GRIP1: variants seen among roughly 807,000 people sequenced by gnomAD.
The protein encoded by GRIP1 is glutamate receptor interacting protein 1.
A neutral mutation model predicts 129.9 loss-of-function variants in GRIP1; 45 were observed. The observed-to-expected ratio is 0.35, with a 90% CI of 0.27 to 0.44. The LOEUF (loss-of-function observed/expected upper bound fraction) is 0.44. Ranked by LOEUF, GRIP1 falls within the 20% of genes least tolerant of loss-of-function variation. The pLI, the probability that GRIP1 is intolerant of heterozygous loss-of-function variation, is 1.00. For synonymous variants in GRIP1, 530 were observed against 520.8 expected, an observed-to-expected ratio of 1.02 and a Z score of -0.24; for missense variants, 1,196 against 1,396.8, an observed-to-expected ratio of 0.86 and a Z score of 2.29.
intron 1 of GRIP1, among the ~76,000 whole-genome samples, chr12:66,717,608 C>T (rs1212415814): frequency 3.9e-5 from 6 of 152,018 alleles, no homozygotes. Flanking sequence ...CTATTAGTGC[C>T]GTTGAAAAGA....
chr12:66,808,422 C>T (rs530770733), upstream of GRIP1, among the ~76,000 whole-genome samples: 4 of 152,094 alleles, frequency 2.6e-5, no homozygotes, highest in African/African-American at 9.6e-5. Flanking sequence ...CTCAGCCTCC[C>T]GAGTAGCTAG....
At chr12:66,921,660 G>C (rs1260861076) in intron 1 of GRIP1, among the ~76,000 whole-genome samples, 1 of 152,160 alleles carries the variant, frequency 6.6e-6, no homozygotes, top group Non-Finnish European at 1.5e-5. Flanking sequence ...AGTTAAACAT[G>C]AACTAGCAAA....
chr12:66,556,731 T>C (rs997530020), intron 2 of GRIP1, among the ~76,000 whole-genome samples: 1 of 152,058 alleles, frequency 6.6e-6, no homozygotes, highest in African/African-American at 2.4e-5. Flanking sequence ...TATTTGTTTA[T>C]GAAATCAGTG....
intron 1 of GRIP1, among the ~76,000 whole-genome samples, chr12:66,716,533 A>T (rs1348209007): frequency 2.0e-5 from 3 of 151,162 alleles, no homozygotes; most frequent in Non-Finnish European, 4.4e-5. Flanking sequence ...AAAAATTTTT[A>T]AATTTTATTA....
At chr12:67,038,974 A>T (rs184517553) in intron 1 of GRIP1, among the ~76,000 whole-genome samples, 8 of 152,140 alleles carry the variant, frequency 5.3e-5, no homozygotes, top group African/African-American at 1.9e-4. Flanking sequence ...GACCAAACCC[A>T]TTCCCAAATC....
At position 66,689,911 on chromosome 12, in the gene GRIP1, T is replaced by TTTTA. The variant is rs1281795855; in HGVS notation, c.-419-59579_-419-59576dup. ...GTATTGTAATTTTAAAATTATTTATTTTTATTTATTTATTTATTTATTTTT... is the reference window on the plus strand; with the variant it reads ...GTATTGTAATTTTAAAATTATTTATTTTTATTTATTTATTTATTTATTTATTTTT... On this transcript the variant is annotated intron_variant, in intron 1 of 4. Coordinates refer to the GRIP1 transcript ENST00000538373. Among the ~76,000 whole-genome samples the TTTTA allele has an allele frequency of 3.6e-4, 55 of 152,046 alleles. 1 individual carries two copies. Among genetic ancestry groups the TTTTA allele is most frequent in the African/African-American group, 1.0e-3 (43 of 41,514 alleles).
intron 1 of GRIP1, among the ~76,000 whole-genome samples, chr12:66,927,907 G>GA (rs2041322376): frequency 6.6e-6 from 1 of 152,206 alleles, no homozygotes; most frequent in African/African-American, 2.4e-5. Flanking sequence ...CAGACTGAAG[G>GA]AAAGAAAAGA....
chr12:67,034,063 C>T (rs1158661030), intron 1 of GRIP1, among the ~76,000 whole-genome samples: 1 of 152,128 alleles, frequency 6.6e-6, no homozygotes, highest in African/African-American at 2.4e-5. Flanking sequence ...TAACACATTC[C>T]AATAAGGGAC....
At chr12:66,887,999 T>C (rs907015449) in intron 1 of GRIP1, among the ~76,000 whole-genome samples, 6 of 152,206 alleles carry the variant, frequency 3.9e-5, no homozygotes, top group African/African-American at 1.4e-4. Context: ...ACCCCGGTGA[T>C]TCTGATTCAA....
chr12:66,386,653 A>C (rs2056374296), intron 19 of GRIP1, among the ~76,000 whole-genome samples: 1 of 152,204 alleles, frequency 6.6e-6, no homozygotes, highest in Admixed American at 6.5e-5. Context: ...AAAAAGAAAA[A>C]AAAATAGAAT....
intron 1 of GRIP1, among the ~76,000 whole-genome samples, chr12:66,606,297 G>A (rs960068960): frequency 6.6e-6 from 1 of 151,448 alleles, no homozygotes; most frequent in African/African-American, 2.5e-5. Context: ...GTCCCTGGTT[G>A]TATGTAAGGG....
chr12:66,695,739 C>A (rs534627147), intron 1 of GRIP1, among the ~76,000 whole-genome samples: 1 of 152,236 alleles, frequency 6.6e-6, no homozygotes, highest in South Asian at 2.1e-4. Flanking sequence ...TAATGAATAT[C>A]TTTTCTGCAA....
At chr12:66,862,471 A>G (rs1472474784) in intron 1 of GRIP1, among the ~76,000 whole-genome samples, 1 of 152,098 alleles carries the variant, frequency 6.6e-6, no homozygotes, top group Non-Finnish European at 1.5e-5. Flanking sequence ...AGCTCTCTGT[A>G]GACTAGGCCA....
chr12:66,755,355 C>A (rs142386806), intron 1 of GRIP1, among the ~76,000 whole-genome samples: 1 of 152,076 alleles, frequency 6.6e-6, no homozygotes, highest in Admixed American at 6.6e-5. Context: ...AAGAATGTGG[C>A]GAACTATTTT....
At chr12:67,001,965 T>C (rs2042557364) in intron 1 of GRIP1, among the ~76,000 whole-genome samples, 1 of 151,812 alleles carries the variant, frequency 6.6e-6, no homozygotes, top group African/African-American at 2.4e-5. Flanking sequence ...AAGAAGAGTA[T>C]GTTCACCCAG....
At chr12:66,525,642 A>T (rs1318880070) in intron 5 of GRIP1, among the ~76,000 whole-genome samples, 2 of 151,724 alleles carry the variant, frequency 1.3e-5, no homozygotes, top group Non-Finnish European at 2.9e-5. Context: ...GCCCTCTCTC[A>T]CCACTCCTAT....
At chr12:66,877,348 C>T (rs1028492223) in intron 1 of GRIP1, among the ~76,000 whole-genome samples, 9 of 151,952 alleles carry the variant, frequency 5.9e-5, no homozygotes, top group Admixed American at 5.9e-4. Flanking sequence ...TTTTGAAAAT[C>T]CATGTATGTT....
Position 66,953,540 on chromosome 12 carries a change from C to T in GRIP1, c.58+115510G>A, listed in dbSNP as rs532481070. ...TTAGTGTAAATCACAATGCTCACAACGGTTATCCTTGAGACATCTGGAAAA... is the reference window on the plus strand; with the variant it reads ...TTAGTGTAAATCACAATGCTCACAATGGTTATCCTTGAGACATCTGGAAAA... On this transcript the variant is annotated intron_variant, in intron 1 of 1. Transcript: ENST00000643019. Among the ~76,000 whole-genome samples, 4 of 152,234 alleles carry T rather than the reference C, an allele frequency of 2.6e-5. No individual in the cohort carries two copies. In the South Asian group the frequency reaches 6.2e-4, roughly 24 times the overall value.
chr12:66,516,912 CT>C (rs2138941148), intron 6 of GRIP1, among the ~76,000 whole-genome samples: 1 of 152,296 alleles, frequency 6.6e-6, no homozygotes, highest in South Asian at 2.1e-4. Flanking sequence ...CTTTGACTTA[CT>C]CACTGCCATA....
Sources: allele counts gnomAD v4.1 joint callset (sites outside exome capture counted in the v4.1 genomes callset), GRCh38; gene constraint gnomAD v4.1.1; transcripts MANE v1.5; gene names NCBI Gene and HGNC (gene_info 2026-07-23, HGNC 2026-07-21).